Variants in GABRB2 observed in about 807,000 individuals in gnomAD.
GABRB2 encodes the protein gamma-aminobutyric acid type A receptor subunit beta2.
GABRB2 carries 16 observed loss-of-function variants against 54.7 expected under a neutral mutation model. The observed-to-expected ratio is 0.29, with a 90% confidence interval of 0.20 to 0.44. GABRB2 has a LOEUF of 0.44. GABRB2 is among the 20% of genes least tolerant of loss of function. The pLI is 1.00. For synonymous variants in GABRB2, 244 were observed against 233.8 expected (o/e 1.04, Z -0.40); for missense variants, 355 against 644.0 (o/e 0.55, Z 4.86).
At chr5:161,433,490 G>A (rs889410081) in intron 4 of GABRB2, among the ~76,000 whole-genome samples, 3 of 151,282 alleles carry the variant, frequency 2.0e-5, no homozygotes, top group African/African-American at 7.3e-5. Context: ...CTTGCCTGTA[G>A]TCCCAGCTAC....
chr5:161,504,252 C>A lies in GABRB2; in HGVS notation c.237+40975G>T, dbSNP rs1759534247. 3.3e-5 allele frequency among the ~76,000 whole-genome samples: 5 copies of A among 152,172 alleles called. No homozygotes were observed. In the South Asian group the frequency reaches 1.0e-3, roughly 32 times the overall value. On this transcript the variant is annotated intron_variant, in intron 3 of 9. Coordinates refer to ENST00000393959, the MANE Select transcript of GABRB2 (RefSeq NM_001371727.1). ...CACTACACCCAGAAACAGCTGAATA[C>A]AATACACATGGAATATTTACTAAAA...
At chr5:161,335,354 C>T (rs1185194221) in intron 6 of GABRB2, among the ~76,000 whole-genome samples, 2 of 152,126 alleles carry the variant, frequency 1.3e-5, no homozygotes, top group African/African-American at 4.8e-5. Context: ...GGTGATGTTT[C>T]AGGGAATGCA....
intron 9 of GABRB2, among the ~76,000 whole-genome samples, chr5:161,317,789 C>G: frequency 6.6e-6 from 1 of 151,812 alleles, no homozygotes; most frequent in Non-Finnish European, 1.5e-5. Flanking sequence ...AAAAAAAGCC[C>G]TTAATAAAAA....
intron 9 of GABRB2, among the ~76,000 whole-genome samples, chr5:161,297,206 A>G (rs972206335): frequency 6.6e-6 from 1 of 152,184 alleles, no homozygotes; most frequent in African/African-American, 2.4e-5. Flanking sequence ...GAACACCTGT[A>G]TCAATTTATG....
chr5:161,548,225 G>A (rs1761050346), upstream of GABRB2: 1 of 152,380 alleles, frequency 6.6e-6, no homozygotes, highest in Non-Finnish European at 1.5e-5. Flanking sequence ...GCAAGCTTGG[G>A]GTGGGGAAAT....
At chr5:161,453,625 C>T (rs1387597374) in intron 4 of GABRB2, among the ~76,000 whole-genome samples, 1 of 152,154 alleles carries the variant, frequency 6.6e-6, no homozygotes, top group Non-Finnish European at 1.5e-5. Flanking sequence ...TACAAAGCCT[C>T]CCAGTTTATG....
intron 9 of GABRB2, among the ~76,000 whole-genome samples, chr5:161,310,961 C>T (rs1278411689): frequency 6.6e-6 from 1 of 152,020 alleles, no homozygotes; most frequent in African/African-American, 2.4e-5. Context: ...GGGGTTTCAC[C>T]GTGTTAGCCA....
At chr5:161,419,488 G>A (rs752626122) in intron 4 of GABRB2, among the ~76,000 whole-genome samples, 4 of 152,112 alleles carry the variant, frequency 2.6e-5, no homozygotes, top group African/African-American at 9.7e-5. Flanking sequence ...AAACCGCTAC[G>A]CCAAAAGGAT....
intron 7 of GABRB2, among the ~76,000 whole-genome samples, chr5:161,334,077 AT>A (rs1460877852): frequency 6.6e-6 from 1 of 152,206 alleles, no homozygotes; most frequent in African/African-American, 2.4e-5. Flanking sequence ...TAATGATTGA[AT>A]TGAGATCTAA....
intron 7 of GABRB2, 143 bp downstream of exon 7, chr5:161,334,607 CAA>C: frequency 1.4e-6 from 1 of 729,108 alleles, no homozygotes; most frequent in Non-Finnish European, 2.2e-6. Flanking sequence ...TCAGATCACC[CAA>C]AGTCTCATAG....
At chr5:161,407,734 T>C (rs1756388843) in intron 5 of GABRB2, among the ~76,000 whole-genome samples, 1 of 151,778 alleles carries the variant, frequency 6.6e-6, no homozygotes, top group Non-Finnish European at 1.5e-5. Flanking sequence ...ATATGGTGAG[T>C]TGCCTCTGAC....
intron 4 of GABRB2, among the ~76,000 whole-genome samples, chr5:161,411,822 A>G (rs967935850): frequency 2.6e-5 from 4 of 152,074 alleles, no homozygotes; most frequent in African/African-American, 7.2e-5. Flanking sequence ...GTTTATATAT[A>G]TATATATATG....
chr5:161,504,757 A>T (rs945131869), intron 3 of GABRB2, among the ~76,000 whole-genome samples: 10 of 128,782 alleles, frequency 7.8e-5, no homozygotes, highest in East Asian at 6.5e-4. Context: ...ATCTGGAATT[A>T]AAAAAAAAAG....
intron 5 of GABRB2, among the ~76,000 whole-genome samples, chr5:161,347,938 A>G (rs1754366050): frequency 6.6e-6 from 1 of 152,094 alleles, no homozygotes; most frequent in Non-Finnish European, 1.5e-5. Context: ...GCTAAAGGGA[A>G]TTTCCAACTG....
At chr5:161,357,038 G>T (rs1438090816) in intron 5 of GABRB2, among the ~76,000 whole-genome samples, 1 of 152,214 alleles carries the variant, frequency 6.6e-6, no homozygotes, top group Non-Finnish European at 1.5e-5. Context: ...TTAGCAGGGG[G>T]AGATGGGCTA....
At chr5:161,440,156 A>C (rs1409539012) in intron 4 of GABRB2, among the ~76,000 whole-genome samples, 1 of 152,032 alleles carries the variant, frequency 6.6e-6, no homozygotes, top group Non-Finnish European at 1.5e-5. Flanking sequence ...ACCTTCACAA[A>C]AGGGAGACAG....
chr5:161,441,360 A>G (rs1002565858), intron 4 of GABRB2, among the ~76,000 whole-genome samples: 1 of 152,352 alleles, frequency 6.6e-6, no homozygotes, highest in Non-Finnish European at 1.5e-5. Context: ...AAGATTCTCA[A>G]CATCTCAGAT....
At chr5:161,476,962 A>G (rs974426955) in intron 3 of GABRB2, among the ~76,000 whole-genome samples, 7 of 151,888 alleles carry the variant, frequency 4.6e-5, no homozygotes, top group Non-Finnish European at 1.0e-4. Context: ...TATGCATACC[A>G]AATGAAACAA....
chr5:161,469,305 C>T (rs892269925), intron 3 of GABRB2, among the ~76,000 whole-genome samples: 5 of 151,776 alleles, frequency 3.3e-5, no homozygotes, highest in Admixed American at 6.6e-5. Flanking sequence ...AAAATTTACT[C>T]ATAGTCACAA....
Sources: gnomAD v4.1 joint callset for allele counts (sites outside exome capture counted in the v4.1 genomes callset) on GRCh38, gnomAD v4.1.1 for gene constraint, MANE v1.5 for transcripts, NCBI Gene and HGNC (gene_info 2026-07-23, HGNC 2026-07-21) for gene names.